The following STAB2 variants were observed in gnomAD, a reference collection of about 807,000 sequenced individuals.
STAB2 encodes stabilin 2, also known as stabilin-2.
STAB2 carries 288 observed loss-of-function variants against 338.1 expected under a neutral mutation model. That is an observed-to-expected ratio of 0.85 (90% CI 0.77 to 0.94). The LOEUF (loss-of-function observed/expected upper bound fraction) is 0.94. Among genes scored for constraint, STAB2 ranks in the 40% least tolerant of loss-of-function variants. The probability of loss-of-function intolerance (pLI) is 0.00; values close to 1 mark genes in which losing one functional copy is unlikely to be tolerated. For missense variants in STAB2, 3,141 were observed against 3,210.1 expected (o/e 0.98, Z 0.52); for synonymous variants, 1,202 against 1,193.3 (o/e 1.01, Z -0.15).
rs1877842926 is a variant in STAB2, at chr12:103,690,545, G to A, written c.3297+7G>A. 1.9e-6 allele frequency: 3 copies of A among 1,608,080 alleles called. No individual in the cohort carries two copies. Among genetic ancestry groups the A allele is most frequent in the Non-Finnish European group, 2.5e-6 (3 of 1,177,366 alleles). On this transcript the variant is annotated splice_region_variant and intron_variant, in intron 30 of 68. Transcript: ENST00000388887. ...CTTGGCAAAGGTGGATGGGGTAAGA[G>A]CTCTGGAATTTGTCTGTTTACTTGA...
rs147383981 is a variant in STAB2 at position 103,688,185 on chromosome 12, C to A, written c.3015C>A (p.Ser1005=). Residue 1005 remains serine (S), a synonymous_variant, in exon 28 of 69, where the codon TCC becomes TCA. Transcript: ENST00000388887. ...TGAATAAGGAATTGTCATTTCTCTC[C>A]GAAGCAGCTATATTTAACCGATGGA... is the stretch of plus-strand genomic sequence containing the variant. ...GNAAVELSFL[S]EAAIFNRWIN... 3 of 1,613,746 alleles carry A rather than the reference C, an allele frequency of 1.9e-6. No individual in the cohort carries two copies. The highest frequency in any genetic ancestry group is 2.5e-6 in the Non-Finnish European group (3 of 1,179,704).
intron 19 of STAB2, among the ~76,000 whole-genome samples, chr12:103,667,932 A>G (rs1875315928): frequency 6.6e-6 from 1 of 152,238 alleles, no homozygotes; most frequent in African/African-American, 2.4e-5. Context: ...CATGACTGTG[A>G]TCCTAAAGTC....
At chr12:103,618,822 T>G (rs1957251789) in intron 3 of STAB2, among the ~76,000 whole-genome samples, 1 of 152,146 alleles carries the variant, frequency 6.6e-6, no homozygotes, top group African/African-American at 2.4e-5. Context: ...CTTGGCTCTG[T>G]GTCCCCACCC....
intron 64 of STAB2, 75 bp from the exon 65 acceptor site, chr12:103,759,058 G>C: frequency 6.2e-7 from 1 of 1,610,544 alleles, no homozygotes; most frequent in South Asian, 1.1e-5. Context: ...AATTTTCTTC[G>C]TCATCCCCAT....
At chr12:103,747,490 A>G (rs956651997) in intron 58 of STAB2, among the ~76,000 whole-genome samples, 1 of 152,132 alleles carries the variant, frequency 6.6e-6, no homozygotes, top group Non-Finnish European at 1.5e-5. Context: ...CAATACCATA[A>G]GCCCAGCCTG....
intron 12 of STAB2, 55 bp from the exon 13 acceptor site, chr12:103,654,500 T>G: frequency 6.4e-7 from 1 of 1,560,274 alleles, no homozygotes; most frequent in Non-Finnish European, 8.7e-7. Flanking sequence ...ACTCCAGTGC[T>G]TGCTCCTTCC....
intron 6 of STAB2, 26 bp downstream of exon 6, chr12:103,631,719 C>T: frequency 1.2e-6 from 2 of 1,601,562 alleles, no homozygotes; most frequent in East Asian, 2.2e-5. Flanking sequence ...TCCCTTAATG[C>T]CACACCAGAT....
At chr12:103,709,584 G>A (rs779102111) in intron 39 of STAB2, among the ~76,000 whole-genome samples, 2 of 152,192 alleles carry the variant, frequency 1.3e-5, no homozygotes, top group African/African-American at 4.8e-5. Context: ...CCATGGATGT[G>A]GCATTGACAG....
intron 22 of STAB2, 96 bp from the exon 23 acceptor site, chr12:103,673,811 G>A (rs921547786): frequency 2.1e-5 from 27 of 1,301,902 alleles, no homozygotes; most frequent in East Asian, 2.5e-5. Context: ...TGAGTGGGGG[G>A]TGAGAAGAGG....
intron 44 of STAB2, among the ~76,000 whole-genome samples, chr12:103,719,781 T>C (rs1004310972): frequency 6.6e-6 from 1 of 152,362 alleles, no homozygotes; most frequent in South Asian, 2.1e-4. Flanking sequence ...CCCACTAGGC[T>C]GTGAGGAGTG....
At chr12:103,750,810 G>T (rs1883573091) in intron 60 of STAB2, 90 bp downstream of exon 60, 1 of 1,456,102 alleles carries the variant, frequency 6.9e-7, no homozygotes. Context: ...AACAAAACAG[G>T]CCAAGCCTGG....
intron 24 of STAB2, 69 bp from the exon 25 acceptor site, chr12:103,677,368 TATGTCTGGAAATTCTC>T: frequency 6.7e-7 from 1 of 1,483,428 alleles, no homozygotes; most frequent in Non-Finnish European, 9.1e-7. Context: ...TTCTGGAACA[TATGTCTGGAAATTCTC>T]TCTTATTTTT....
intron 39 of STAB2, among the ~76,000 whole-genome samples, chr12:103,709,896 A>G (rs1286077485): frequency 6.6e-6 from 1 of 152,052 alleles, no homozygotes; most frequent in Admixed American, 6.5e-5. Context: ...TGCTTTCTCT[A>G]CTCTGAAGAA....
At chr12:103,725,854 C>T (rs894441209) in intron 45 of STAB2, among the ~76,000 whole-genome samples, 16 of 152,246 alleles carry the variant, frequency 1.1e-4, no homozygotes, top group Middle Eastern at 3.4e-3. Flanking sequence ...TCAGAAAATG[C>T]TCTTAAAGTT....
intron 29 of STAB2, 120 bp downstream of exon 29, chr12:103,690,102 A>C: frequency 7.2e-7 from 1 of 1,391,616 alleles, no homozygotes; most frequent in East Asian, 2.3e-5. Context: ...AACATGTTCT[A>C]GGATTCTCCT....
chr12:103,706,684 TC>T (rs1879375647), intron 37 of STAB2, 107 bp from the exon 38 acceptor site: 1 of 1,447,500 alleles, frequency 6.9e-7, no homozygotes, highest in South Asian at 1.3e-5. Flanking sequence ...CCATGTGAGG[TC>T]GAAGAAACAG....
intron 36 of STAB2, 135 bp downstream of exon 36, chr12:103,704,749 A>G (rs1879192303): frequency 2.7e-6 from 2 of 749,312 alleles, no homozygotes; most frequent in Admixed American, 3.2e-5. Flanking sequence ...ACCTCGTTAT[A>G]TTATATGCAT....
intron 52 of STAB2, 133 bp from the exon 53 acceptor site, chr12:103,737,501 C>G (rs1882220667): frequency 3.2e-6 from 3 of 948,926 alleles, no homozygotes; most frequent in Non-Finnish European, 4.6e-6. Flanking sequence ...TTATTAAGTT[C>G]TTCCTGAGTC....
At chr12:103,671,690 T>A (rs1875809788) in intron 22 of STAB2, among the ~76,000 whole-genome samples, 1 of 152,198 alleles carries the variant, frequency 6.6e-6, no homozygotes, top group Non-Finnish European at 1.5e-5. Flanking sequence ...AATATTATTA[T>A]CTCACTATTT....
Sources: gnomAD v4.1 joint callset for allele counts (sites outside exome capture counted in the v4.1 genomes callset) on GRCh38, gnomAD v4.1.1 for gene constraint, MANE v1.5 for transcripts, NCBI Gene and HGNC (gene_info 2026-07-23, HGNC 2026-07-21) for gene names.